The following TSPEAR variants were observed in gnomAD, a reference collection of about 807,000 sequenced individuals.
TSPEAR encodes the protein thrombospondin-type laminin G domain and EAR repeat-containing protein.
A neutral mutation model predicts 71.6 loss-of-function variants in TSPEAR; 69 were observed. That is an observed-to-expected ratio of 0.96 (90% CI 0.79 to 1.18). The LOEUF is 1.18. Among genes scored for constraint, TSPEAR ranks in the 50% most tolerant of loss-of-function variants. The pLI is 0.00. For synonymous variants in TSPEAR, 402 were observed against 387.2 expected (o/e 1.04, Z -0.45); for missense variants, 971 against 894.9 (o/e 1.09, Z -1.09).
At chr21:44,668,876 C>G (rs1985918597) in intron 1 of TSPEAR, among the ~76,000 whole-genome samples, 1 of 152,134 alleles carries the variant, frequency 6.6e-6, no homozygotes, top group Non-Finnish European at 1.5e-5. Flanking sequence ...ACACCATATA[C>G]AAAATTAACT....
chr21:44,574,210 G>T (rs1555923272), intron 1 of TSPEAR: 2 of 1,604,684 alleles, frequency 1.2e-6, no homozygotes, highest in East Asian at 4.5e-5. Context: ...TCCTCCCCCT[G>T]CCAGCAGGCC....
At chr21:44,540,483 G>T (rs2053200803) in intron 2 of TSPEAR, among the ~76,000 whole-genome samples, 1 of 152,162 alleles carries the variant, frequency 6.6e-6, no homozygotes, top group East Asian at 1.9e-4. Context: ...GTGCAGTCCG[G>T]GTTGTAAGAA....
At chr21:44,579,578 C>T in intron 1 of TSPEAR, 2 of 741,002 alleles carry the variant, frequency 2.7e-6, no homozygotes, top group Non-Finnish European at 2.1e-6. Flanking sequence ...GCAGGTGGGC[C>T]CCTGCTGGGA....
intron 3 of TSPEAR, among the ~76,000 whole-genome samples, chr21:44,532,016 C>A (rs1555915826): frequency 6.6e-6 from 1 of 152,262 alleles, no homozygotes; most frequent in African/African-American, 2.4e-5. Flanking sequence ...GTGAGCTCAG[C>A]TCCTGCCCTG....
At chr21:44,674,301 A>G (rs1470836076) in intron 1 of TSPEAR, among the ~76,000 whole-genome samples, 2 of 152,042 alleles carry the variant, frequency 1.3e-5, no homozygotes, top group African/African-American at 4.8e-5. Context: ...TTGGTCTTTT[A>G]AAAAGATAAA....
intron 2 of TSPEAR, among the ~76,000 whole-genome samples, chr21:44,560,647 G>A (rs897751433): frequency 6.6e-6 from 1 of 152,152 alleles, no homozygotes; most frequent in East Asian, 1.9e-4. Context: ...GGACCACAGT[G>A]CAATCAAATT....
chr21:44,670,312 C>T (rs1985995870), intron 1 of TSPEAR, among the ~76,000 whole-genome samples: 1 of 152,076 alleles, frequency 6.6e-6, no homozygotes, highest in Non-Finnish European at 1.5e-5. Flanking sequence ...TGGGCAGGCT[C>T]AAGAGGGCTG....
chr21:44,702,854 C>G, intron 1 of TSPEAR: 2 of 866,866 alleles, frequency 2.3e-6, no homozygotes, highest in Non-Finnish European at 1.8e-6. Flanking sequence ...ACCTCTCCCA[C>G]TGCTGACCTC....
intron 1 of TSPEAR, among the ~76,000 whole-genome samples, chr21:44,569,179 G>A (rs1347736725): frequency 6.6e-6 from 1 of 152,190 alleles, no homozygotes; most frequent in Non-Finnish European, 1.5e-5. Context: ...CAGAGAGTGT[G>A]AGCACCTGGG....
intron 1 of TSPEAR, chr21:44,697,820 C>A: frequency 6.2e-7 from 1 of 1,613,096 alleles, no homozygotes; most frequent in Non-Finnish European, 8.5e-7. Context: ...CAGACCCGCC[C>A]GCCGCGTGCC....
At chr21:44,691,350 CA>C (rs1310289016) in intron 1 of TSPEAR, among the ~76,000 whole-genome samples, 2 of 152,184 alleles carry the variant, frequency 1.3e-5, no homozygotes, top group Non-Finnish European at 2.9e-5. Flanking sequence ...AGCCATTACT[CA>C]CAGCTGACTT....
rs782011879 is a variant in TSPEAR at position 44,559,154 on chromosome 21, G to A, written c.303+8631C>T. Among the ~76,000 whole-genome samples, 11 of 152,334 alleles carry A rather than the reference G, an allele frequency of 7.2e-5. 1 individual carries two copies. Among genetic ancestry groups the A allele is most frequent in the African/African-American group, 2.4e-4 (10 of 41,564 alleles). On this transcript the variant is annotated intron_variant, in intron 2 of 11. Transcript: ENST00000323084. ...ACTTCTACACCTAAGGAGGGATGAGGTTAGGAGAACCTCAGTTTCTGGGCC... is the reference window on the plus strand; with the variant it reads ...ACTTCTACACCTAAGGAGGGATGAGATTAGGAGAACCTCAGTTTCTGGGCC...
chr21:44,537,868 G>A (rs2053115375), intron 2 of TSPEAR, among the ~76,000 whole-genome samples: 1 of 152,214 alleles, frequency 6.6e-6, no homozygotes. Context: ...CTTTCAGTGT[G>A]GACGGCCATG....
intron 1 of TSPEAR, among the ~76,000 whole-genome samples, chr21:44,655,548 C>T (rs587774601): frequency 5.3e-5 from 8 of 152,334 alleles, no homozygotes; most frequent in South Asian, 2.1e-4. Context: ...GGACCCATCA[C>T]GGAGTCGGGC....
intron 1 of TSPEAR, among the ~76,000 whole-genome samples, chr21:44,685,348 G>A (rs1172401152): frequency 6.6e-6 from 1 of 151,960 alleles, no homozygotes; most frequent in Non-Finnish European, 1.5e-5. Flanking sequence ...GTGTGAGGAG[G>A]AGCGTGCCAT....
At chr21:44,590,359 G>A (rs1467265984) in intron 1 of TSPEAR, among the ~76,000 whole-genome samples, 1 of 152,128 alleles carries the variant, frequency 6.6e-6, no homozygotes, top group Non-Finnish European at 1.5e-5. Flanking sequence ...AGGAGGCTGG[G>A]GGTGTGGGGA....
chr21:44,683,882 T>C lies in TSPEAR; in HGVS notation c.82+27551A>G, dbSNP rs569633635. Among the ~76,000 whole-genome samples the C allele has an allele frequency of 5.3e-5, 8 of 152,280 alleles. No individual in the cohort carries two copies. The South Asian group carries it at 8.3e-4, about 16-fold the overall frequency. ...TAAATAGGGAATCTCAGTAGAGTAATTGAAGCTATTTTTTAAAATGGGAAT... is the reference window on the plus strand; with the variant it reads ...TAAATAGGGAATCTCAGTAGAGTAACTGAAGCTATTTTTTAAAATGGGAAT... On this transcript the variant is annotated intron_variant, in intron 1 of 11. Transcript: ENST00000323084.
At chr21:44,670,796 C>T (rs1295722936) in intron 1 of TSPEAR, among the ~76,000 whole-genome samples, 6 of 152,218 alleles carry the variant, frequency 3.9e-5, no homozygotes, top group African/African-American at 1.2e-4. Flanking sequence ...AAGTCTGCAT[C>T]CTGCCCTGGG....
chr21:44,699,716 C>T (rs1297702458), intron 1 of TSPEAR, among the ~76,000 whole-genome samples: 21 of 152,190 alleles, frequency 1.4e-4, no homozygotes, highest in Admixed American at 1.2e-3. Flanking sequence ...TCTCTATGTG[C>T]GTTCTCTCCC....
Sources: gnomAD v4.1 joint callset for allele counts (sites outside exome capture counted in the v4.1 genomes callset) on GRCh38, gnomAD v4.1.1 for gene constraint, MANE v1.5 for transcripts, NCBI Gene and HGNC (gene_info 2026-07-23, HGNC 2026-07-21) for gene names.